The following SYTL3 variants were observed in gnomAD, a reference collection of about 807,000 sequenced individuals.
The protein encoded by SYTL3 is synaptotagmin-like protein 3.
In SYTL3, 88 loss-of-function variants were observed where a neutral mutation model predicts 82.1. The ratio of observed to expected loss-of-function variants is 1.07; its 90% CI spans 0.90 to 1.28. The LOEUF (loss-of-function observed/expected upper bound fraction) is 1.28. Ranked by LOEUF, SYTL3 falls within the 50% of genes most tolerant of loss-of-function variation. SYTL3 has a pLI of 0.00. For synonymous variants in SYTL3, 311 were observed against 289.4 expected (o/e 1.07, Z -0.76); for missense variants, 831 against 757.6 (o/e 1.10, Z -1.14).
chr6:158,681,098 G>A (rs1778639977), intron 5 of SYTL3, among the ~76,000 whole-genome samples: 1 of 152,192 alleles, frequency 6.6e-6, no homozygotes, highest in African/African-American at 2.4e-5. Flanking sequence ...ATGAGTTGAA[G>A]TTTTAATTTT....
rs12525990 is a variant in SYTL3, at chr6:158,714,045, C to T, written c.595+167C>T. Among the ~76,000 whole-genome samples, 180 of 152,274 alleles carry T rather than the reference C, an allele frequency of 1.2e-3. 2 individuals carry two copies. In the Middle Eastern group the frequency reaches 0.027, roughly 23 times the overall value. The stretch of plus-strand genomic sequence containing the variant: ...ACCTGGCCCTTCATCTCTTTCCCAA[C>T]AAAGCAGGCCTCTGGTTCCTCATAG... On this transcript the variant is annotated intron_variant, in intron 9 of 17. Transcript: ENST00000611299.
chr6:158,674,430 C>T (rs1046125146), intron 5 of SYTL3, among the ~76,000 whole-genome samples: 3 of 152,168 alleles, frequency 2.0e-5, no homozygotes, highest in African/African-American at 7.2e-5. Context: ...TCTGGTTCCA[C>T]GGTGATGCAC....
intron 6 of SYTL3, among the ~76,000 whole-genome samples, chr6:158,694,623 C>A (rs1317340907): frequency 1.3e-5 from 2 of 152,156 alleles, no homozygotes; most frequent in South Asian, 2.1e-4. Flanking sequence ...TTTCATGATG[C>A]CTTTGGCTTT....
intron 6 of SYTL3, among the ~76,000 whole-genome samples, chr6:158,705,528 G>C (rs1334268385): frequency 7.9e-6 from 1 of 127,028 alleles, no homozygotes; most frequent in African/African-American, 2.8e-5. Context: ...ACCCGGGGCA[G>C]GGTAACACTG....
intron 11 of SYTL3, among the ~76,000 whole-genome samples, chr6:158,727,657 C>G (rs1784899589): frequency 6.6e-6 from 1 of 150,716 alleles, no homozygotes; most frequent in African/African-American, 2.5e-5. Context: ...CCTCCCATGG[C>G]CGTTCTCATG....
rs1291322464 is a variant in SYTL3 at position 158,753,948 on chromosome 6, CCT to C, written c.1137+1920_1137+1921del. Among the ~76,000 whole-genome samples, 29 of 152,048 alleles carry C rather than the reference CCT, an allele frequency of 1.9e-4. 1 individual carries two copies. The East Asian group carries it at 1.9e-3, about 10-fold the overall frequency. ...TGCAAAATAACCCAACACCGGCCAG[CCT>C]CATCCTTAATAGAAATATGCATAAG... On this transcript the variant is annotated intron_variant, in intron 13 of 17. Coordinates refer to ENST00000611299, the MANE Select transcript of SYTL3 (RefSeq NM_001242394.2).
chr6:158,760,903 C>A (rs1037651981), intron 15 of SYTL3, among the ~76,000 whole-genome samples, 158 bp downstream of exon 15: 3 of 152,176 alleles, frequency 2.0e-5, no homozygotes, highest in African/African-American at 7.2e-5. Context: ...TGCAGCGAGC[C>A]CGGGAGAGGT....
intron 9 of SYTL3, among the ~76,000 whole-genome samples, chr6:158,714,162 G>A (rs930685239): frequency 3.3e-5 from 5 of 152,172 alleles, no homozygotes; most frequent in Non-Finnish European, 5.9e-5. Flanking sequence ...AGACCATCTG[G>A]CCAACATGGT....
intron 6 of SYTL3, among the ~76,000 whole-genome samples, chr6:158,701,292 GTAGATGAA>G (rs1781232163): frequency 2.2e-4 from 3 of 13,844 alleles, no homozygotes; most frequent in African/African-American, 9.8e-4. Flanking sequence ...GAGCTGGGGT[GTAGATGAA>G]GGAGTGTGAG....
chr6:158,694,893 G>A (rs1284253616), intron 6 of SYTL3, among the ~76,000 whole-genome samples: 2 of 152,076 alleles, frequency 1.3e-5, no homozygotes, highest in African/African-American at 2.4e-5. Flanking sequence ...GAATTGTCAC[G>A]ACTACTCCAC....
In SYTL3 at chr6:158,705,410, A is replaced by G. The variant is rs13211219; in HGVS notation, c.395-1820A>G. The stretch of plus-strand genomic sequence containing the variant: ...AGTGAGGGCTGTAAGGCCACGTAGG[A>G]CAGGAGGAACCCGGGGCAGGGTAAC... On this transcript the variant is annotated intron_variant, in intron 6 of 17. Transcript: ENST00000611299. Among the ~76,000 whole-genome samples, 47 of 98,562 alleles carry G rather than the reference A, an allele frequency of 4.8e-4. 1 individual carries two copies. Among genetic ancestry groups the G allele is most frequent in the Admixed American group, 7.6e-4 (7 of 9,260 alleles). The allele number at this position is 98,562 out of a possible 152,430, so 64.7% of individuals were successfully genotyped here.
rs1428471596 is a variant in SYTL3, at chr6:158,708,302, G to A, written c.447-20G>A. ...GCATGGTTCACAACCCATTTCTTAT[G>A]CCTGTGTTTTCCTTGGCAGCAAAAT... On this transcript the variant is annotated intron_variant, in intron 7 of 17. Coordinates refer to ENST00000611299, the MANE Select transcript of SYTL3 (RefSeq NM_001242394.2). The A allele has an allele frequency of 2.7e-5, 43 of 1,605,442 alleles. No individual in the cohort carries two copies. In the Admixed American group the frequency reaches 7.2e-4, roughly 27 times the overall value.
intron 15 of SYTL3, 149 bp downstream of exon 15, chr6:158,760,894 G>A: frequency 1.5e-6 from 1 of 667,688 alleles, no homozygotes. Flanking sequence ...TCTGAGCCAT[G>A]CAGCGAGCCC....
chr6:158,699,395 A>G (rs931221587), intron 6 of SYTL3, among the ~76,000 whole-genome samples: 20 of 152,342 alleles, frequency 1.3e-4, no homozygotes, highest in Admixed American at 1.2e-3. Flanking sequence ...ATGGTCATCC[A>G]TGTATAGGGA....
At chr6:158,732,739 A>G (rs1785571470) in intron 11 of SYTL3, among the ~76,000 whole-genome samples, 1 of 152,184 alleles carries the variant, frequency 6.6e-6, no homozygotes, top group South Asian at 2.1e-4. Context: ...CCAAGAGCTA[A>G]CCCATCAGTC....
chr6:158,764,701 C>A lies in SYTL3; in HGVS notation c.*97C>A. Reference sequence around the variant, plus strand: ...GGTGCAGGGTCCCAGCTGGAGACCCCTTTGACCTTGAGCAGTCTCCATCTG... The same window carrying A: ...GGTGCAGGGTCCCAGCTGGAGACCCATTTGACCTTGAGCAGTCTCCATCTG... On this transcript the variant is annotated 3_prime_UTR_variant, in exon 18 of 18. Coordinates refer to ENST00000611299, the MANE Select transcript of SYTL3 (RefSeq NM_001242394.2). 1.2e-6 allele frequency: 1 copy of A among 838,798 alleles called. No individual in the cohort carries two copies. The highest frequency in any genetic ancestry group is 2.0e-6 in the Non-Finnish European group (1 of 497,086). The allele number at this position is 838,798 out of a possible 1,614,324, so 52.0% of individuals were successfully genotyped here.
intron 17 of SYTL3, 129 bp downstream of exon 17, chr6:158,763,638 G>GA: frequency 1.3e-6 from 1 of 741,320 alleles, no homozygotes; most frequent in Non-Finnish European, 2.3e-6. Context: ...GCCTTAATTG[G>GA]AAATGCCTAA....
intron 11 of SYTL3, among the ~76,000 whole-genome samples, chr6:158,731,145 A>G (rs1583407894): frequency 6.6e-6 from 1 of 151,632 alleles, no homozygotes; most frequent in African/African-American, 2.4e-5. Flanking sequence ...TTAGCCGGGC[A>G]TGGTGGCGGG....
chr6:158,726,765 T>C (rs1431221272), intron 11 of SYTL3: 1 of 194,974 alleles, frequency 5.1e-6, no homozygotes, highest in Non-Finnish European at 1.1e-5. Context: ...GAGATGGAGA[T>C]GTTTTCAGTG....
Sources: allele counts gnomAD v4.1 joint callset (sites outside exome capture counted in the v4.1 genomes callset), GRCh38; gene constraint gnomAD v4.1.1; transcripts MANE v1.5; gene names NCBI Gene and HGNC (gene_info 2026-07-23, HGNC 2026-07-21).